Variants in RAD51B observed in about 807,000 individuals in gnomAD.
The protein encoded by RAD51B is RAD51 paralog B, also known as DNA repair protein RAD51 homolog 2.
Under a neutral mutation model 42.2 loss-of-function variants are expected in RAD51B, and 38 were observed. That is an observed-to-expected ratio of 0.90 (90% CI 0.70 to 1.18). The LOEUF (loss-of-function observed/expected upper bound fraction) is 1.18, where lower values mean the gene tolerates loss of function less well. Ranked by LOEUF, RAD51B falls within the 50% of genes most tolerant of loss-of-function variation. The pLI is 0.00. For missense variants in RAD51B, 373 were observed against 400.7 expected, an observed-to-expected ratio of 0.93 and a Z score of 0.59; for synonymous variants, 154 against 145.2, an observed-to-expected ratio of 1.06 and a Z score of -0.43.
At chr14:68,569,354 A>G (rs897305547) in intron 10 of RAD51B, among the ~76,000 whole-genome samples, 10 of 152,214 alleles carry the variant, frequency 6.6e-5, no homozygotes, top group Middle Eastern at 3.2e-3. Context: ...CAGAAGGGCA[A>G]CAGGGTCAGC....
intron 10 of RAD51B, among the ~76,000 whole-genome samples, chr14:68,602,506 C>CTAGATAGA (rs752180767): frequency 0.012 from 1,716 of 149,014 alleles, 22 homozygotes; most frequent in African/African-American, 0.027. Context: ...GGATGGATAG[C>CTAGATAGA]TAGATAGATA....
intron 8 of RAD51B, among the ~76,000 whole-genome samples, chr14:68,401,712 C>T (rs1026820912): frequency 5.3e-5 from 8 of 152,120 alleles, no homozygotes; most frequent in African/African-American, 1.9e-4. Context: ...ATGCCTTCCT[C>T]GGTGGGTAAA....
chr14:68,632,176 G>T (rs1460532415), intron 10 of RAD51B, among the ~76,000 whole-genome samples: 1 of 152,016 alleles, frequency 6.6e-6, no homozygotes, highest in Non-Finnish European at 1.5e-5. Flanking sequence ...TTGCCTCCGA[G>T]GCCCCCTCAT....
intron 5 of RAD51B, among the ~76,000 whole-genome samples, chr14:67,883,134 T>C (rs2140044164): frequency 6.6e-6 from 1 of 152,248 alleles, no homozygotes; most frequent in Non-Finnish European, 1.5e-5. Context: ...GTGAGGTCAC[T>C]ACCAGCTCTT....
chr14:68,052,882 C>G (rs1366509699), intron 7 of RAD51B, among the ~76,000 whole-genome samples: 1 of 152,002 alleles, frequency 6.6e-6, no homozygotes, highest in Admixed American at 6.6e-5. Flanking sequence ...ATCTGCCTGC[C>G]TTGGGCTCCC....
At chr14:68,274,794 C>T (rs1027952189) in intron 7 of RAD51B, among the ~76,000 whole-genome samples, 5 of 152,170 alleles carry the variant, frequency 3.3e-5, no homozygotes, top group African/African-American at 9.7e-5. Context: ...TTCTTCACCA[C>T]GTCCTTTTAA....
At chr14:68,311,022 G>A (rs768473198) in intron 8 of RAD51B, among the ~76,000 whole-genome samples, 1 of 152,114 alleles carries the variant, frequency 6.6e-6, no homozygotes, top group African/African-American at 2.4e-5. Flanking sequence ...GTGGAGGGAT[G>A]CAGAGTAGAT....
intron 8 of RAD51B, among the ~76,000 whole-genome samples, chr14:68,342,040 AGGTT>A (rs2082581965): frequency 6.6e-6 from 1 of 152,094 alleles, no homozygotes; most frequent in Non-Finnish European, 1.5e-5. Flanking sequence ...CTAATTCCCT[AGGTT>A]ACAACTAATT....
intron 7 of RAD51B, among the ~76,000 whole-genome samples, chr14:68,049,893 T>C (rs1323797733): frequency 1.3e-5 from 2 of 152,230 alleles, no homozygotes; most frequent in Non-Finnish European, 2.9e-5. Flanking sequence ...AGGTCTTCTG[T>C]AATCTGGCTG....
intron 4 of RAD51B, among the ~76,000 whole-genome samples, chr14:67,848,862 G>C (rs1293254262): frequency 1.3e-5 from 2 of 152,150 alleles, no homozygotes; most frequent in Admixed American, 1.3e-4. Flanking sequence ...TTAGTTTGTG[G>C]GATATGAAAT....
downstream of RAD51B, among the ~76,000 whole-genome samples, chr14:68,482,339 C>T (rs1407130351): frequency 3.9e-5 from 6 of 152,076 alleles, no homozygotes; most frequent in South Asian, 4.1e-4. Context: ...TTTGGATTAA[C>T]CCAGAGAGCC....
intron 10 of RAD51B, among the ~76,000 whole-genome samples, chr14:68,514,458 A>G (rs1260449527): frequency 6.6e-6 from 1 of 152,186 alleles, no homozygotes; most frequent in Non-Finnish European, 1.5e-5. Context: ...CAAATCAGAT[A>G]TTTACCCTGC....
At chr14:68,122,476 T>C (rs1229924179) in intron 7 of RAD51B, among the ~76,000 whole-genome samples, 2 of 152,138 alleles carry the variant, frequency 1.3e-5, no homozygotes, top group Admixed American at 6.5e-5. Context: ...CAGACTTCCC[T>C]CCTGATGAAA....
chr14:68,391,136 GTCTTTCTTTCTTTCTTTCTTTCTTTCTT>G (rs36073427), intron 8 of RAD51B, among the ~76,000 whole-genome samples: 1 of 141,558 alleles, frequency 7.1e-6, no homozygotes, highest in African/African-American at 2.7e-5. Context: ...TATGAGACTT[GTCTTTCTTTCTTTCTTTCTTTCTTTCTT>G]TCTTTCTTTC....
chr14:67,993,907 T>G (rs2140297406), intron 7 of RAD51B, among the ~76,000 whole-genome samples: 1 of 152,286 alleles, frequency 6.6e-6, no homozygotes, highest in South Asian at 2.1e-4. Context: ...AATACTGATT[T>G]TTAACGCTGT....
chr14:68,496,815 A>G (rs1884558704), intron 10 of RAD51B, among the ~76,000 whole-genome samples: 1 of 152,240 alleles, frequency 6.6e-6, no homozygotes, highest in African/African-American at 2.4e-5. Context: ...GTTCAGGTGC[A>G]TGAGTAAATG....
In RAD51B at chr14:68,467,644, A is replaced by G. The variant is rs147209854; in HGVS notation, c.958-528A>G. ...ATGCCCAAACCCACAATCAAGGGCC[A>G]TGGGAAATGCTCTACACCTTAAGTA... On this transcript the variant is annotated intron_variant, in intron 9 of 10. Transcript: ENST00000471583. Among the ~76,000 whole-genome samples, 1,434 of 152,370 alleles carry G rather than the reference A, an allele frequency of 9.4e-3. 23 individuals carry two copies. Among genetic ancestry groups the G allele is most frequent in the African/African-American group, 0.031 (1,287 of 41,580 alleles).
chr14:68,186,293 A>T (rs755028537), intron 7 of RAD51B, among the ~76,000 whole-genome samples: 10 of 152,222 alleles, frequency 6.6e-5, no homozygotes, highest in Non-Finnish European at 1.5e-4. Flanking sequence ...CATTTTGTAC[A>T]TGGGCTTTGG....
intron 7 of RAD51B, among the ~76,000 whole-genome samples, chr14:68,071,355 G>A (rs1439909537): frequency 6.6e-6 from 1 of 152,068 alleles, no homozygotes; most frequent in Non-Finnish European, 1.5e-5. Context: ...GTTCTCAGGG[G>A]GAATGCTTCT....
Sources: gnomAD v4.1 joint callset for allele counts (sites outside exome capture counted in the v4.1 genomes callset) on GRCh38, gnomAD v4.1.1 for gene constraint, MANE v1.5 for transcripts, NCBI Gene and HGNC (gene_info 2026-07-23, HGNC 2026-07-21) for gene names.